DTD1: variants seen among roughly 807,000 people sequenced by gnomAD.
The protein encoded by DTD1 is D-aminoacyl-tRNA deacylase 1.
Under a neutral mutation model 25.6 loss-of-function variants are expected in DTD1, and 13 were observed. The observed-to-expected ratio is 0.51, with a 90% CI of 0.33 to 0.81. The LOEUF (loss-of-function observed/expected upper bound fraction) is 0.81, where lower values mean the gene tolerates loss of function less well. DTD1 is among the 30% of genes least tolerant of loss of function. The pLI is 0.02. For synonymous variants in DTD1, 110 were observed against 103.6 expected, an observed-to-expected ratio of 1.06 and a Z score of -0.37; for missense variants, 193 against 266.4, an observed-to-expected ratio of 0.72 and a Z score of 1.92.
At chr20:18,735,365 C>T (rs2061251507) in intron 4 of DTD1, among the ~76,000 whole-genome samples, 1 of 152,236 alleles carries the variant, frequency 6.6e-6, no homozygotes, top group Admixed American at 6.5e-5. Context: ...CGAGAAGCCC[C>T]TGTGCAGGTG....
At chr20:18,738,674 A>G (rs1158856529) in intron 4 of DTD1, among the ~76,000 whole-genome samples, 4 of 152,250 alleles carry the variant, frequency 2.6e-5, no homozygotes, top group African/African-American at 4.8e-5. Context: ...CTTGTTGGCT[A>G]TGGTTTGTGT....
At chr20:18,715,632 T>C (rs1026129879) in intron 4 of DTD1, among the ~76,000 whole-genome samples, 1 of 152,214 alleles carries the variant, frequency 6.6e-6, no homozygotes. Flanking sequence ...ATGGAAACCA[T>C]TGTTTAAAAT....
At chr20:18,649,326 C>CTT (rs55766733) in intron 4 of DTD1, among the ~76,000 whole-genome samples, 687 of 57,662 alleles carry the variant, frequency 0.012, 130 homozygotes, top group African/African-American at 0.042. Context: ...ATTCATCTTT[C>CTT]TTTTTTTTTT....
At chr20:18,759,030 G>C (rs139809541) in intron 5 of DTD1, among the ~76,000 whole-genome samples, 5,577 of 152,224 alleles carry the variant, frequency 0.037, 221 homozygotes, top group African/African-American at 0.091. Flanking sequence ...GGTTTAAAGT[G>C]TGTTTTATCA....
intron 4 of DTD1, among the ~76,000 whole-genome samples, chr20:18,734,653 A>G (rs113232307): frequency 1.3e-5 from 2 of 152,198 alleles, no homozygotes; most frequent in East Asian, 1.9e-4. Flanking sequence ...TTACTCTTAC[A>G]TTGTCTTGAA....
chr20:18,650,009 T>A (rs539625791), intron 4 of DTD1, among the ~76,000 whole-genome samples: 15 of 152,270 alleles, frequency 9.9e-5, no homozygotes, highest in African/African-American at 3.6e-4. Flanking sequence ...GCCCAGGAGT[T>A]TGAGACTAGG....
chr20:18,600,526 C>T (rs980269013), intron 3 of DTD1, among the ~76,000 whole-genome samples: 17 of 152,252 alleles, frequency 1.1e-4, no homozygotes, highest in Non-Finnish European at 1.9e-4. Context: ...GTATTGAAGT[C>T]GTATAGTGTC....
chr20:18,676,647 C>G (rs565969760), intron 4 of DTD1, among the ~76,000 whole-genome samples: 3 of 152,296 alleles, frequency 2.0e-5, no homozygotes, highest in South Asian at 2.1e-4. Flanking sequence ...GCAAAACAGA[C>G]AAGAGTAGAG....
At position 18,614,408 on chromosome 20, in the gene DTD1, G is replaced by T. The variant is rs1362006347; in HGVS notation, c.371-13719G>T. On this transcript the variant is annotated intron_variant, in intron 3 of 5. Transcript: ENST00000377452. ...AGGTAGGGCTAGGATGAACATCGGG[G>T]CAGGAGGATTAGCTGTCTGCTTCGG... is the stretch of plus-strand genomic sequence containing the variant. Among the ~76,000 whole-genome samples the T allele has an allele frequency of 2.0e-5, 3 of 152,300 alleles. No homozygotes were observed. In the East Asian group the frequency reaches 5.8e-4, roughly 29 times the overall value.
chr20:18,615,308 T>TAGGGGAAATCATTGCTTTAGGGGAAAA (rs1177450849), intron 3 of DTD1, among the ~76,000 whole-genome samples: 7 of 152,222 alleles, frequency 4.6e-5, no homozygotes, highest in African/African-American at 1.7e-4. Context: ...TCATGGCTGT[T>TAGGGGAAATCATTGCTTTAGGGGAAAA]TCTCGAATCA....
chr20:18,747,963 G>A (rs922160678), intron 5 of DTD1, among the ~76,000 whole-genome samples: 2 of 152,146 alleles, frequency 1.3e-5, no homozygotes, highest in Non-Finnish European at 2.9e-5. Flanking sequence ...AGGTTGCAGT[G>A]AGCCAAGATT....
chr20:18,668,643 G>C (rs115528473), intron 4 of DTD1, among the ~76,000 whole-genome samples: 1 of 152,126 alleles, frequency 6.6e-6, no homozygotes, highest in South Asian at 2.1e-4. Flanking sequence ...CTGAGCCCCC[G>C]AGTCATTACT....
intron 5 of DTD1, among the ~76,000 whole-genome samples, chr20:18,748,543 C>T (rs751514751): frequency 1.3e-5 from 2 of 152,048 alleles, no homozygotes; most frequent in Admixed American, 1.3e-4. Context: ...TCTGCTAATT[C>T]TGTGGGCAAG....
At chr20:18,649,986 G>A (rs969955861) in intron 4 of DTD1, among the ~76,000 whole-genome samples, 6 of 152,244 alleles carry the variant, frequency 3.9e-5, no homozygotes, top group African/African-American at 1.4e-4. Context: ...GTGGAGGCAG[G>A]TGGATTGCTT....
At chr20:18,629,486 G>A (rs1260816075) in intron 4 of DTD1, among the ~76,000 whole-genome samples, 2 of 151,602 alleles carry the variant, frequency 1.3e-5, no homozygotes, top group Non-Finnish European at 2.9e-5. Flanking sequence ...TTTGTGTAGA[G>A]AGGGAGTTTT....
chr20:18,748,295 T>A (rs1351660217), intron 5 of DTD1, among the ~76,000 whole-genome samples: 1 of 152,224 alleles, frequency 6.6e-6, no homozygotes, highest in African/African-American at 2.4e-5. Context: ...GTTGTATTAT[T>A]AACCTAATAC....
intron 4 of DTD1, among the ~76,000 whole-genome samples, chr20:18,671,042 C>G (rs1425934836): frequency 6.6e-6 from 1 of 152,164 alleles, no homozygotes; most frequent in Non-Finnish European, 1.5e-5. Context: ...AATCCTCAGT[C>G]AGTGCTCTTC....
intron 4 of DTD1, among the ~76,000 whole-genome samples, chr20:18,704,999 C>T (rs2061120606): frequency 6.6e-6 from 1 of 152,204 alleles, no homozygotes; most frequent in Admixed American, 6.5e-5. Flanking sequence ...AGCATGGCCA[C>T]TAACCACAAG....
chr20:18,737,134 C>T (rs1325258062), intron 4 of DTD1, among the ~76,000 whole-genome samples: 2 of 152,238 alleles, frequency 1.3e-5, no homozygotes, highest in East Asian at 1.9e-4. Flanking sequence ...CCTCCTGTCA[C>T]CCTACTCTCA....
Sources: gnomAD v4.1 joint callset for allele counts (sites outside exome capture counted in the v4.1 genomes callset) on GRCh38, gnomAD v4.1.1 for gene constraint, MANE v1.5 for transcripts, NCBI Gene and HGNC (gene_info 2026-07-23, HGNC 2026-07-21) for gene names.